The following YWHAZ variants were observed in gnomAD, a reference collection of about 807,000 sequenced individuals.
The protein encoded by YWHAZ is 14-3-3 protein zeta/delta.
For synonymous variants in YWHAZ, 87 were observed against 103.6 expected (o/e 0.84, Z 0.97); for missense variants, 79 against 284.8 (o/e 0.28, Z 5.20).
chr8:100,940,036 CT>C (rs1814516423), intron 2 of YWHAZ, among the ~76,000 whole-genome samples: 1 of 133,566 alleles, frequency 7.5e-6, no homozygotes, highest in South Asian at 2.5e-4. Flanking sequence ...GCACTCCAGC[CT>C]GGGGGACAGA....
At chr8:100,926,988 A>G (rs531962050) in intron 2 of YWHAZ, among the ~76,000 whole-genome samples, 2 of 152,374 alleles carry the variant, frequency 1.3e-5, no homozygotes, top group South Asian at 2.1e-4. Context: ...GTTTTGAATT[A>G]CAGCACTATA....
At chr8:100,935,702 T>C (rs771540947) in intron 2 of YWHAZ, among the ~76,000 whole-genome samples, 4 of 152,030 alleles carry the variant, frequency 2.6e-5, no homozygotes, top group Non-Finnish European at 5.9e-5. Flanking sequence ...GAGTGTGAGG[T>C]TGCAAGGCAG....
At chr8:100,951,117 C>G (rs1311963978) in intron 1 of YWHAZ, 16 of 974,388 alleles carry the variant, frequency 1.6e-5, no homozygotes, top group Non-Finnish European at 1.8e-5. Context: ...AATTCAAGTC[C>G]TTCCTCCCAC....
chr8:100,932,799 T>C (rs1339527595), intron 2 of YWHAZ, among the ~76,000 whole-genome samples: 1 of 152,174 alleles, frequency 6.6e-6, no homozygotes, highest in African/African-American at 2.4e-5. Context: ...GGACTTCCCA[T>C]TTTGCCTCAC....
intron 5 of YWHAZ, chr8:100,923,748 G>A (rs1041343910): frequency 9.2e-6 from 4 of 436,064 alleles, no homozygotes; most frequent in African/African-American, 6.1e-5. Context: ...ATCAATGTGT[G>A]TATTTTTTAG....
intron 1 of YWHAZ, among the ~76,000 whole-genome samples, chr8:100,949,866 G>C (rs1348520739): frequency 6.6e-6 from 1 of 152,054 alleles, no homozygotes; most frequent in African/African-American, 2.4e-5. Flanking sequence ...CATTTTTCTG[G>C]AAAGATACCC....
chr8:100,949,653 A>T (rs1216336417), intron 1 of YWHAZ, among the ~76,000 whole-genome samples: 2 of 152,188 alleles, frequency 1.3e-5, no homozygotes, highest in Non-Finnish European at 2.9e-5. Context: ...TGAGTACTAG[A>T]ATATATCACA....
intron 2 of YWHAZ, among the ~76,000 whole-genome samples, chr8:100,935,688 AAG>A (rs1814097884): frequency 6.6e-6 from 1 of 151,624 alleles, no homozygotes; most frequent in South Asian, 2.1e-4. Context: ...AGAGAACTGG[AAG>A]AGAGTGTGAG....
chr8:100,950,505 C>G (rs1408649599), intron 1 of YWHAZ: 2 of 985,502 alleles, frequency 2.0e-6, no homozygotes, highest in East Asian at 1.1e-4. Flanking sequence ...CCCCTCCAGG[C>G]TCCGCCCAAG....
chr8:100,939,478 G>A (rs1814457577), intron 2 of YWHAZ, among the ~76,000 whole-genome samples: 1 of 151,334 alleles, frequency 6.6e-6, no homozygotes, highest in South Asian at 2.1e-4. Flanking sequence ...TTACCAACAT[G>A]GAGAAACCCC....
intron 1 of YWHAZ, chr8:100,950,360 G>C (rs1810620309): frequency 1.0e-6 from 1 of 984,930 alleles, no homozygotes; most frequent in South Asian, 4.7e-5. Flanking sequence ...CCAAGGCCTC[G>C]CCTCTACACT....
At chr8:100,946,892 AAAAAAC>A (rs1810323137) in intron 2 of YWHAZ, among the ~76,000 whole-genome samples, 1 of 151,210 alleles carries the variant, frequency 6.6e-6, no homozygotes, top group African/African-American at 2.4e-5. Flanking sequence ...GAGCAAAAAA[AAAAAAC>A]AAAAAAAACA....
At chr8:100,929,237 G>C in intron 2 of YWHAZ, among the ~76,000 whole-genome samples, 1 of 148,206 alleles carries the variant, frequency 6.7e-6, no homozygotes, top group Non-Finnish European at 1.5e-5. Flanking sequence ...TCTTGCTCTG[G>C]CACCCAGGCT....
At chr8:100,947,657 AT>A (rs1810404587) in intron 2 of YWHAZ, among the ~76,000 whole-genome samples, 1 of 152,240 alleles carries the variant, frequency 6.6e-6, no homozygotes, top group Non-Finnish European at 1.5e-5. Flanking sequence ...CCTATTGCTC[AT>A]TATAGCACTT....
At chr8:100,952,842 G>A (rs546524735), upstream of YWHAZ, 1,102 of 1,000,378 alleles carry the variant, frequency 1.1e-3, no homozygotes, top group Non-Finnish European at 1.3e-3. Flanking sequence ...CCGCCGCCGC[G>A]GCTTTACCTG....
chr8:100,951,892 A>G, intron 1 of YWHAZ, 37 bp downstream of exon 1: 2 of 992,218 alleles, frequency 2.0e-6, no homozygotes, highest in Non-Finnish European at 2.4e-6. Flanking sequence ...CTGGCCTGGG[A>G]CAGGAAGCGA....
intron 2 of YWHAZ, among the ~76,000 whole-genome samples, chr8:100,946,363 G>A (rs1007000880): frequency 3.9e-5 from 6 of 152,236 alleles, no homozygotes; most frequent in South Asian, 2.1e-4. Flanking sequence ...CAGCCTGGCC[G>A]ACAAGGTGAA....
At chr8:100,929,336 A>G (rs1378972167) in intron 2 of YWHAZ, among the ~76,000 whole-genome samples, 1 of 151,566 alleles carries the variant, frequency 6.6e-6, no homozygotes, top group Non-Finnish European at 1.5e-5. Flanking sequence ...AGTAGCTGGG[A>G]TTACAGGCAT....
intron 2 of YWHAZ, among the ~76,000 whole-genome samples, chr8:100,930,370 T>A (rs919380494): frequency 6.6e-6 from 1 of 152,238 alleles, no homozygotes; most frequent in African/African-American, 2.4e-5. Context: ...GTGCTGGGAT[T>A]ACAGGTGTGA....
Sources: gnomAD v4.1 joint callset for allele counts (sites outside exome capture counted in the v4.1 genomes callset) on GRCh38, gnomAD v4.1.1 for gene constraint, MANE v1.5 for transcripts, NCBI Gene and HGNC (gene_info 2026-07-23, HGNC 2026-07-21) for gene names.